The following SPTBN5 variants were observed in gnomAD, a reference collection of about 807,000 sequenced individuals.
SPTBN5 encodes spectrin beta, non-erythrocytic 5.
SPTBN5 carries 513 observed loss-of-function variants against 477.6 expected under a neutral mutation model. The ratio of observed to expected loss-of-function variants is 1.07; its 90% CI spans 1.00 to 1.16. The LOEUF is 1.16. Among genes scored for constraint, SPTBN5 ranks in the 50% most tolerant of loss-of-function variants. SPTBN5 has a pLI of 0.00. For missense variants in SPTBN5, 5,062 were observed against 4,731.8 expected, an observed-to-expected ratio of 1.07 and a Z score of -2.05; for synonymous variants, 2,169 against 2,011.7, an observed-to-expected ratio of 1.08 and a Z score of -2.09.
At chr15:41,849,765 C>T in intron 67 of SPTBN5, 104 bp downstream of exon 67, 1 of 880,768 alleles carries the variant, frequency 1.1e-6, no homozygotes, top group South Asian at 1.5e-5. Context: ...TACAGCCCAA[C>T]AGAGTAAGTC....
chr15:41,876,664 G>C lies in SPTBN5; in HGVS notation c.3852-17C>G, dbSNP rs145605775. On this transcript the variant is annotated splice_polypyrimidine_tract_variant and intron_variant, in intron 19 of 67. Transcript: ENST00000320955. Reference sequence around the variant, plus strand: ...TCTCTGACCCTGGAGGGCGGGGGGGGGTTGGAGGAGGGCATGGGAGAGGAC... The same window carrying C: ...TCTCTGACCCTGGAGGGCGGGGGGGCGTTGGAGGAGGGCATGGGAGAGGAC... 4 of 1,416,030 alleles carry C rather than the reference G, an allele frequency of 2.8e-6. No homozygotes were observed. The highest frequency in any genetic ancestry group is 2.4e-5 in the East Asian group (1 of 42,368). 87.7% of individuals were successfully genotyped at this position (1,416,030 alleles called of 1,614,324 possible).
chr15:41,876,525 G>T (rs1292694664), intron 20 of SPTBN5, 23 bp downstream of exon 20: 1 of 1,566,414 alleles, frequency 6.4e-7, no homozygotes. Context: ...GAGGCGTCAT[G>T]CGACCTGGGC....
chr15:41,877,080 G>A, intron 18 of SPTBN5, 36 bp downstream of exon 18: 2 of 1,611,154 alleles, frequency 1.2e-6, no homozygotes, highest in East Asian at 2.2e-5. Context: ...CCAGTGATGG[G>A]GAGTGACAGC....
intron 1 of SPTBN5, 81 bp from the exon 2 acceptor site, chr15:41,893,627 T>A: frequency 7.0e-7 from 1 of 1,428,300 alleles, no homozygotes; most frequent in Non-Finnish European, 9.2e-7. Flanking sequence ...CTTGCCAGAC[T>A]GTCCTCACAT....
intron 34 of SPTBN5, 21 bp downstream of exon 34, chr15:41,868,048 T>A: frequency 6.3e-7 from 1 of 1,587,780 alleles, no homozygotes; most frequent in Non-Finnish European, 8.5e-7. Context: ...GAGCGGAGTG[T>A]GAGGGCGGGA....
In SPTBN5 at chr15:41,854,804, T is replaced by C. The variant is rs1567184156; in HGVS notation, c.9596A>G (p.Gln3199Arg). Residue 3199 changes from glutamine to arginine, a missense_variant, in exon 56 of 68, where the codon CAA becomes CGA. Coordinates refer to ENST00000320955, the MANE Select transcript of SPTBN5 (RefSeq NM_016642.4). ...RIEAAWERLD[Q>R]AIKARTENLA... ...TACCTCTGTGCGGGCTTTTATTGCT[T>C]GGTCCAACCTCTCCCAAGCAGCCTC... 6.4e-7 allele frequency: 1 copy of C among 1,553,164 alleles called. No individual in the cohort carries two copies. The highest frequency in any genetic ancestry group is 8.7e-7 in the Non-Finnish European group (1 of 1,149,516).
intron 3 of SPTBN5, among the ~76,000 whole-genome samples, chr15:41,890,816 T>C (rs1445040794): frequency 6.6e-6 from 1 of 152,210 alleles, no homozygotes; most frequent in Non-Finnish European, 1.5e-5. Context: ...CTGCCCTACA[T>C]CCTGCCATTT....
intron 10 of SPTBN5, 25 bp downstream of exon 10, chr15:41,882,560 G>C (rs1255564482): frequency 1.3e-6 from 2 of 1,586,550 alleles, no homozygotes; most frequent in Non-Finnish European, 1.7e-6. Flanking sequence ...CTGGCGACCG[G>C]CGGGCGCGCT....
chr15:41,886,921 A>G (rs147028239), intron 6 of SPTBN5, among the ~76,000 whole-genome samples: 17 of 152,370 alleles, frequency 1.1e-4, no homozygotes, highest in African/African-American at 4.1e-4. Context: ...TCCCATTAGA[A>G]GCTTAATAGC....
chr15:41,870,149 GC>G (rs1209430997), intron 31 of SPTBN5, 93 bp downstream of exon 31: 6 of 1,463,418 alleles, frequency 4.1e-6, no homozygotes, highest in Non-Finnish European at 5.5e-6. Context: ...CCCATGGGAG[GC>G]CCTGAGGGAC....
rs530205519 is a variant in SPTBN5 at position 41,862,422 on chromosome 15, GT to G, written c.7385+116del. 5.9e-4 allele frequency: 894 copies of G among 1,522,154 alleles called. 17 individuals are homozygous for G. The South Asian group carries it at 0.011, about 18-fold the overall frequency. The allele number at this position is 1,522,154 out of a possible 1,614,324, so 94.3% of individuals were successfully genotyped here. A position where few individuals can be genotyped will look rare whatever the true frequency, so the allele number is the denominator to read the frequency against. On this transcript the variant is annotated intron_variant, in intron 43 of 67. Transcript: ENST00000320955. ...TGGGCTGGGAGTTACTGGGAGGACA[GT>G]ACAGTTATTTGAAGGGTGGAGAAGG...
At chr15:41,867,942 A>G in intron 34 of SPTBN5, 127 bp downstream of exon 34, 1 of 1,279,104 alleles carries the variant, frequency 7.8e-7, no homozygotes, top group Non-Finnish European at 1.0e-6. Flanking sequence ...ACCTGGAAGG[A>G]CTTGTGCACA....
chr15:41,854,442 C>T (rs2065872669), intron 56 of SPTBN5, among the ~76,000 whole-genome samples: 1 of 151,930 alleles, frequency 6.6e-6, no homozygotes. Flanking sequence ...TCGTGCATCT[C>T]AGGGAAAGGC....
intron 22 of SPTBN5, 90 bp from the exon 23 acceptor site, chr15:41,875,146 AC>A: frequency 1.6e-6 from 2 of 1,214,984 alleles, no homozygotes; most frequent in Non-Finnish European, 1.1e-6. Context: ...GACTTTTAGG[AC>A]CAGATTCACC....
intron 47 of SPTBN5, among the ~76,000 whole-genome samples, chr15:41,859,815 G>A (rs967442620): frequency 1.3e-5 from 2 of 152,216 alleles, no homozygotes; most frequent in Non-Finnish European, 2.9e-5. Flanking sequence ...CCACCTGCAA[G>A]AATGGAGAGG....
At chr15:41,851,175 T>A in intron 64 of SPTBN5, 25 bp from the exon 65 acceptor site, 1 of 1,606,340 alleles carries the variant, frequency 6.2e-7, no homozygotes, top group Non-Finnish European at 8.5e-7. Context: ...GAGGCAGGGG[T>A]CACTGCGGCC....
At chr15:41,871,989 G>C (rs1242028529) in intron 27 of SPTBN5, 72 bp from the exon 28 acceptor site, 2 of 1,445,132 alleles carry the variant, frequency 1.4e-6, no homozygotes, top group Non-Finnish European at 1.8e-6. Context: ...GCCAGCCAGA[G>C]GGGCCAATCT....
Position 41,865,898 on chromosome 15 carries a change from C to T in SPTBN5, c.6828G>A (p.Val2276=). The T allele has an allele frequency of 1.3e-6, 2 of 1,578,274 alleles. No homozygotes were observed. Among genetic ancestry groups the T allele is most frequent in the Non-Finnish European group, 8.6e-7 (1 of 1,162,438 alleles). ...LAEAWIQEKE[V]KMNVGDLGQD... is the part of the protein sequence containing the mutation. ...GGCCCAGGTCACCAACATTCATCTT[C>T]ACCTCCTGTGAAGGCCGAGGGTGGG... Residue 2276 remains valine (V), a synonymous_variant, in exon 39 of 68, where the codon GTG becomes GTA. Transcript: ENST00000320955.
intron 3 of SPTBN5, among the ~76,000 whole-genome samples, chr15:41,891,371 C>A (rs1483941381): frequency 6.6e-6 from 1 of 152,182 alleles, no homozygotes; most frequent in Non-Finnish European, 1.5e-5. Context: ...TCTGGCTGGC[C>A]TCTAAAGGAT....
Sources: gnomAD v4.1 joint callset for allele counts (sites outside exome capture counted in the v4.1 genomes callset) on GRCh38, gnomAD v4.1.1 for gene constraint, MANE v1.5 for transcripts, NCBI Gene and HGNC (gene_info 2026-07-23, HGNC 2026-07-21) for gene names.